Variants in FCF1 observed in about 807,000 individuals in gnomAD.
FCF1 encodes the protein rRNA-processing protein FCF1 homolog.
FCF1 carries 17 observed loss-of-function variants against 32.5 expected under a neutral mutation model. The ratio of observed to expected loss-of-function variants is 0.52; its 90% CI spans 0.36 to 0.78. The LOEUF (loss-of-function observed/expected upper bound fraction) is 0.78, where lower values mean the gene tolerates loss of function less well. Ranked by LOEUF, FCF1 falls within the 30% of genes least tolerant of loss-of-function variation. The pLI is 0.00. For missense variants in FCF1, 201 were observed against 241.1 expected (o/e 0.83, Z 1.10); for synonymous variants, 84 against 78.4 (o/e 1.07, Z -0.38).
chr14:74,720,175 A>G (rs1357724558), intron 4 of FCF1, among the ~76,000 whole-genome samples: 1 of 152,236 alleles, frequency 6.6e-6, no homozygotes, highest in African/African-American at 2.4e-5. Flanking sequence ...TGCTTTATAA[A>G]ACAGATTTAC....
chr14:74,715,996 G>A lies in FCF1; in HGVS notation c.189G>A (p.Leu63=). The change falls in exon 4 of 8, where the codon CTG becomes CTA. Residue 63 remains leucine (L), a synonymous_variant. Transcript: ENST00000341162. ...TATTTTTCCAATATAATACACAGCT[G>A]GGCCCACCTTACCACATCCTCGTTG... ...SCLFFQYNTQ[L]GPPYHILVDT... The A allele has an allele frequency of 1.2e-6, 2 of 1,613,828 alleles. No individual in the cohort carries two copies. Among genetic ancestry groups the A allele is most frequent in the Non-Finnish European group, 1.7e-6 (2 of 1,179,872 alleles).
chr14:74,726,869 T>C (rs1318896030), intron 5 of FCF1, among the ~76,000 whole-genome samples: 1 of 151,926 alleles, frequency 6.6e-6, no homozygotes, highest in African/African-American at 2.4e-5. Flanking sequence ...TGGTTTTTTG[T>C]TCTTGTGATA....
chr14:74,713,824 T>C (rs1594779252), intron 2 of FCF1, among the ~76,000 whole-genome samples: 1 of 152,178 alleles, frequency 6.6e-6, no homozygotes, highest in Admixed American at 6.5e-5. Flanking sequence ...GTCAGTTCGG[T>C]GAAGTCCGTA....
chr14:74,727,458 G>GT (rs1477525425), intron 5 of FCF1, among the ~76,000 whole-genome samples: 2 of 150,750 alleles, frequency 1.3e-5, no homozygotes, highest in Admixed American at 1.3e-4. Context: ...GGGGTTGTTT[G>GT]TTTTTTTCTT....
chr14:74,715,891 T>C, intron 3 of FCF1, 60 bp from the exon 4 acceptor site: 4 of 1,608,026 alleles, frequency 2.5e-6, no homozygotes, highest in Non-Finnish European at 3.4e-6. Context: ...TTTTTTGTTT[T>C]TGTTAATACT....
chr14:74,733,814 T>C (rs940101997), intron 6 of FCF1, among the ~76,000 whole-genome samples: 5 of 152,336 alleles, frequency 3.3e-5, no homozygotes, highest in Middle Eastern at 3.4e-3. Context: ...GAAAACAGTT[T>C]GCAGCTTGTG....
chr14:74,734,399 T>TA lies in FCF1; in HGVS notation c.548+230dup, dbSNP rs200465892. On this transcript the variant is annotated intron_variant, in intron 7 of 7. Coordinates refer to ENST00000341162, the MANE Select transcript of FCF1 (RefSeq NM_015962.5). ...GTTAGAGTAAGATTACTGGAAGAAA[T>TA]AGACGTATTGTTTTAAATAAAAGCA... Among the ~76,000 whole-genome samples, 1,268 of 152,156 alleles carry TA rather than the reference T, an allele frequency of 8.3e-3. 10 individuals are homozygous for TA. Among genetic ancestry groups the TA allele is most frequent in the South Asian group, 0.029 (141 of 4,824 alleles).
chr14:74,736,532 T>C lies in FCF1; in HGVS notation c.*1602T>C, dbSNP rs757572010. The C allele has an allele frequency of 2.6e-5, 4 of 152,232 alleles. No individual in the cohort carries two copies. The highest frequency in any genetic ancestry group is 9.6e-5 in the African/African-American group (4 of 41,456). 9.4% of individuals were successfully genotyped at this position (152,232 alleles called of 1,614,324 possible). ...GCCTATACTTAATAATGGGGTATTA[T>C]ACATTTCAAAATTGATGTTCTCATC... On this transcript the variant is annotated 3_prime_UTR_variant, in exon 8 of 8. Transcript: ENST00000341162.
In FCF1 at chr14:74,720,399, T is replaced by TC. The variant is rs145724430; in HGVS notation, c.293-2872dup. Among the ~76,000 whole-genome samples, 183 of 152,312 alleles carry TC rather than the reference T, an allele frequency of 1.2e-3. 1 individual carries two copies. In the East Asian group the frequency reaches 0.021, roughly 18 times the overall value. On this transcript the variant is annotated intron_variant, in intron 4 of 7. Coordinates refer to ENST00000341162, the MANE Select transcript of FCF1 (RefSeq NM_015962.5). Reference sequence around the variant, plus strand: ...TTTCTAGGCAACCACTAATCTACTTTCTGTTTCTATAAATTTCCCTATTCT... The same window carrying TC: ...TTTCTAGGCAACCACTAATCTACTTTCCTGTTTCTATAAATTTCCCTATTCT...
intron 5 of FCF1, among the ~76,000 whole-genome samples, chr14:74,727,109 T>C (rs1274279164): frequency 6.6e-6 from 1 of 152,204 alleles, no homozygotes. Context: ...TATAGTCCTT[T>C]GGGTATATAT....
intron 5 of FCF1, among the ~76,000 whole-genome samples, chr14:74,727,846 A>T (rs1445060965): frequency 6.6e-6 from 1 of 152,080 alleles, no homozygotes; most frequent in Non-Finnish European, 1.5e-5. Flanking sequence ...TTTTCCCAGC[A>T]CCATTTATTA....
intron 4 of FCF1, among the ~76,000 whole-genome samples, chr14:74,720,426 G>A (rs2090485330): frequency 6.6e-6 from 1 of 151,976 alleles, no homozygotes; most frequent in Non-Finnish European, 1.5e-5. Flanking sequence ...CCCTATTCTG[G>A]ACATTTCATA....
At chr14:74,721,680 A>C (rs900925126) in intron 4 of FCF1, among the ~76,000 whole-genome samples, 5 of 151,396 alleles carry the variant, frequency 3.3e-5, no homozygotes, top group African/African-American at 1.2e-4. Flanking sequence ...GTGAGACTTC[A>C]AAAAAAAATA....
At chr14:74,715,784 A>T in intron 3 of FCF1, 167 bp from the exon 4 acceptor site, 1 of 1,503,236 alleles carries the variant, frequency 6.7e-7, no homozygotes, top group Non-Finnish European at 9.0e-7. Flanking sequence ...TGAGATTAAG[A>T]TAATGATATT....
chr14:74,734,031 G>C, intron 6 of FCF1, 45 bp from the exon 7 acceptor site: 2 of 1,258,646 alleles, frequency 1.6e-6, no homozygotes, highest in Non-Finnish European at 1.2e-6. Flanking sequence ...TTCACTAAGC[G>C]TGCTCAGTGA....
intron 7 of FCF1, 30 bp downstream of exon 7, chr14:74,734,200 G>A (rs2090675626): frequency 7.9e-7 from 1 of 1,269,508 alleles, no homozygotes; most frequent in Non-Finnish European, 1.2e-6. Context: ...GAAGGGAATA[G>A]AAATATATAA....
chr14:74,724,353 G>A (rs2090547575), intron 5 of FCF1, among the ~76,000 whole-genome samples: 1 of 152,114 alleles, frequency 6.6e-6, no homozygotes. Flanking sequence ...GCACAATCAG[G>A]GCTCACTGCA....
intron 4 of FCF1, among the ~76,000 whole-genome samples, chr14:74,720,667 A>T (rs2090488917): frequency 6.6e-6 from 1 of 151,982 alleles, no homozygotes; most frequent in South Asian, 2.1e-4. Context: ...TTTTATTTTG[A>T]GTCAAGGTCT....
chr14:74,724,294 C>A (rs917274284), intron 5 of FCF1, among the ~76,000 whole-genome samples: 2 of 152,020 alleles, frequency 1.3e-5, no homozygotes, highest in African/African-American at 4.8e-5. Flanking sequence ...TTGTTTTGTT[C>A]TGTTTTTGAA....
Sources: allele counts gnomAD v4.1 joint callset (sites outside exome capture counted in the v4.1 genomes callset), GRCh38; gene constraint gnomAD v4.1.1; transcripts MANE v1.5; gene names NCBI Gene and HGNC (gene_info 2026-07-23, HGNC 2026-07-21).